Variants in CNTN5 observed in about 807,000 individuals in gnomAD.
The protein encoded by CNTN5 is contactin-5.
CNTN5 carries 77 observed loss-of-function variants against 129.1 expected under a neutral mutation model. That is an observed-to-expected ratio of 0.60 (90% confidence interval 0.50 to 0.72). The LOEUF is 0.72. Ranked by LOEUF, CNTN5 falls within the 30% of genes least tolerant of loss-of-function variation. CNTN5 has a pLI of 0.00. For missense variants in CNTN5, 1,478 were observed against 1,328.8 expected (o/e 1.11, Z -1.75); for synonymous variants, 509 against 465.6 (o/e 1.09, Z -1.20).
At chr11:99,299,671 T>C (rs1864540061) in intron 1 of CNTN5, among the ~76,000 whole-genome samples, 1 of 152,186 alleles carries the variant, frequency 6.6e-6, no homozygotes, top group East Asian at 1.9e-4. Flanking sequence ...TTCTGAGTTA[T>C]TTCACTAGGA....
chr11:100,332,316 G>A (rs896338365), intron 21 of CNTN5, among the ~76,000 whole-genome samples: 5 of 151,828 alleles, frequency 3.3e-5, no homozygotes, highest in African/African-American at 1.2e-4. Context: ...GACCAATAAT[G>A]AGCAGCGAGA....
chr11:99,131,901 G>A (rs1858958689), intron 1 of CNTN5, among the ~76,000 whole-genome samples: 1 of 152,122 alleles, frequency 6.6e-6, no homozygotes, highest in Non-Finnish European at 1.5e-5. Context: ...CTCATTTTAT[G>A]AGGCCAGCAT....
At chr11:100,101,947 C>A (rs946471288) in intron 13 of CNTN5, among the ~76,000 whole-genome samples, 42 of 152,058 alleles carry the variant, frequency 2.8e-4, no homozygotes, top group African/African-American at 9.7e-4. Flanking sequence ...GTGGTGTAAA[C>A]CTACCATATT....
At chr11:99,162,395 A>C (rs2135517475) in intron 1 of CNTN5, among the ~76,000 whole-genome samples, 1 of 152,150 alleles carries the variant, frequency 6.6e-6, no homozygotes, top group East Asian at 1.9e-4. Flanking sequence ...CATCATCTTG[A>C]GACCATGAGG....
rs141286156 is a variant in CNTN5, at chr11:99,565,555, C to G, written c.55+9286C>G. Among the ~76,000 whole-genome samples the G allele has an allele frequency of 1.5e-3, 235 of 152,252 alleles. 1 individual carries two copies. The highest frequency in any genetic ancestry group is 5.4e-3 in the African/African-American group (224 of 41,548). ...CCCAGAGCTCAGAGGAACCTTGTCCCTTGCTATTTTCTGTTCCCCATTACC... is the reference window on the plus strand; with the variant it reads ...CCCAGAGCTCAGAGGAACCTTGTCCGTTGCTATTTTCTGTTCCCCATTACC... On this transcript the variant is annotated intron_variant, in intron 3 of 24. Coordinates refer to ENST00000524871, the MANE Select transcript of CNTN5 (RefSeq NM_014361.4).
chr11:99,715,353 C>A (rs968964762), intron 3 of CNTN5, among the ~76,000 whole-genome samples: 2 of 151,628 alleles, frequency 1.3e-5, no homozygotes, highest in African/African-American at 4.8e-5. Context: ...GTGAGGCCAT[C>A]CTTCCCACCT....
chr11:99,233,881 G>C (rs1263239798), intron 1 of CNTN5, among the ~76,000 whole-genome samples: 2 of 152,152 alleles, frequency 1.3e-5, no homozygotes, highest in Non-Finnish European at 2.9e-5. Flanking sequence ...GGAAGGCGGA[G>C]CTTGCAGTGA....
At chr11:99,637,043 T>TAAAAAAAAAAAAAAAAAAAAAAAA (rs763109822) in intron 3 of CNTN5, among the ~76,000 whole-genome samples, 32 of 95,806 alleles carry the variant, frequency 3.3e-4, no homozygotes, top group Non-Finnish European at 4.3e-4. Context: ...AAAAAAAAAG[T>TAAAAAAAAAAAAAAAAAAAAAAAA]AAATGACTCT....
intron 1 of CNTN5, among the ~76,000 whole-genome samples, chr11:99,230,593 A>G (rs1358539877): frequency 6.6e-6 from 1 of 152,118 alleles, no homozygotes; most frequent in Non-Finnish European, 1.5e-5. Context: ...ATGAATAATT[A>G]TAAACTTTTT....
intron 3 of CNTN5, among the ~76,000 whole-genome samples, chr11:99,647,317 T>G (rs1045552685): frequency 2.6e-5 from 4 of 152,156 alleles, no homozygotes; most frequent in Non-Finnish European, 5.9e-5. Flanking sequence ...CCGTGAAAGT[T>G]CTTGGCACCT....
chr11:100,233,999 G>A (rs141945910), intron 16 of CNTN5, among the ~76,000 whole-genome samples: 1 of 152,058 alleles, frequency 6.6e-6, no homozygotes, highest in African/African-American at 2.4e-5. Flanking sequence ...GGATATGGAC[G>A]CTTCTCAAAA....
At chr11:99,790,596 G>A (rs1145382) in intron 3 of CNTN5, among the ~76,000 whole-genome samples, 88,000 of 151,850 alleles carry the variant, frequency 0.58, 26,256 homozygotes, top group East Asian at 0.72. Context: ...GGTTGACTCC[G>A]TGTCTTTAAT....
chr11:100,134,579 C>A lies in CNTN5; in HGVS notation c.1581-56547C>A, dbSNP rs143347640. Among the ~76,000 whole-genome samples the A allele has an allele frequency of 5.1e-3, 770 of 152,204 alleles. 9 individuals carry two copies. The highest frequency in any genetic ancestry group is 0.018 in the African/African-American group (730 of 41,534). On this transcript the variant is annotated intron_variant, in intron 13 of 24. Transcript: ENST00000524871. ...CAATTGGGTTCATTGGACTACAAAT[C>A]CCTGTAAATCAGGGGCTGTTATTTA...
chr11:99,081,143 C>T (rs1479874265), intron 1 of CNTN5, among the ~76,000 whole-genome samples: 1 of 151,990 alleles, frequency 6.6e-6, no homozygotes, highest in Non-Finnish European at 1.5e-5. Context: ...ACAAAACATC[C>T]CATTGTACAT....
chr11:99,625,629 C>T (rs932543391), intron 3 of CNTN5, among the ~76,000 whole-genome samples: 4 of 151,956 alleles, frequency 2.6e-5, no homozygotes, highest in African/African-American at 9.7e-5. Flanking sequence ...TTCATTTCTC[C>T]AGAAATTTAA....
At chr11:99,162,092 C>CT (rs988453801) in intron 1 of CNTN5, among the ~76,000 whole-genome samples, 1 of 151,868 alleles carries the variant, frequency 6.6e-6, no homozygotes, top group Non-Finnish European at 1.5e-5. Flanking sequence ...ATAGAACCTC[C>CT]TTTTTTTTTC....
chr11:99,585,560 T>C (rs1334329674), intron 3 of CNTN5, among the ~76,000 whole-genome samples: 2 of 152,188 alleles, frequency 1.3e-5, no homozygotes, highest in African/African-American at 4.8e-5. Context: ...GATCATTTAA[T>C]ACATAATTTT....
At chr11:99,929,779 G>C (rs576003639) in intron 7 of CNTN5, among the ~76,000 whole-genome samples, 21 of 152,126 alleles carry the variant, frequency 1.4e-4, no homozygotes, top group Non-Finnish European at 2.9e-4. Context: ...ATGATATTTG[G>C]GTGGGGACAC....
At chr11:99,586,332 CATA>C (rs1428547602) in intron 3 of CNTN5, among the ~76,000 whole-genome samples, 2 of 151,952 alleles carry the variant, frequency 1.3e-5, no homozygotes, top group Non-Finnish European at 2.9e-5. Context: ...CATAACTCAG[CATA>C]ATAACGGACA....
Sources: gnomAD v4.1 joint callset for allele counts (sites outside exome capture counted in the v4.1 genomes callset) on GRCh38, gnomAD v4.1.1 for gene constraint, MANE v1.5 for transcripts, NCBI Gene and HGNC (gene_info 2026-07-23, HGNC 2026-07-21) for gene names.